The following MPND variants were observed in gnomAD, a reference collection of about 807,000 sequenced individuals.
MPND encodes MPN domain containing.
Under a neutral mutation model 59.2 loss-of-function variants are expected in MPND, and 56 were observed. The ratio of observed to expected loss-of-function variants is 0.95; its 90% confidence interval spans 0.76 to 1.18. MPND has a LOEUF of 1.18. MPND is among the 50% of genes most tolerant of loss of function. MPND has a pLI of 0.00. For synonymous variants in MPND, 323 were observed against 291.9 expected (o/e 1.11, Z -1.09); for missense variants, 671 against 676.0 (o/e 0.99, Z 0.08).
intron 3 of MPND, among the ~76,000 whole-genome samples, chr19:4,352,689 T>G (rs1350063537): frequency 6.7e-6 from 1 of 148,372 alleles, no homozygotes; most frequent in Non-Finnish European, 1.5e-5. Context: ...GTCTCAAAAA[T>G]AAATAAATAA....
rs778899979 is a variant in MPND at position 4,353,630 on chromosome 19, T to C, written c.665-415T>C. ...AGGGCAGAGTACAGTGGTGCAATCA[T>C]GGCTAACTGCAGCCTCAACCTCCTG... On this transcript the variant is annotated intron_variant, in intron 4 of 12. Transcript: ENST00000599840. Among the ~76,000 whole-genome samples, 46 of 152,148 alleles carry C rather than the reference T, an allele frequency of 3.0e-4. 1 individual carries two copies. The highest frequency in any genetic ancestry group is 1.5e-4 in the Non-Finnish European group (10 of 68,028).
chr19:4,355,511 G>A (rs10411614), intron 8 of MPND, among the ~76,000 whole-genome samples: 89,801 of 151,674 alleles, frequency 0.59, 26,825 homozygotes, highest in East Asian at 0.75. Flanking sequence ...AATTTTTTGT[G>A]TTTTTAGTAG....
intron 8 of MPND, among the ~76,000 whole-genome samples, chr19:4,355,476 C>T (rs1366171306): frequency 6.6e-6 from 1 of 152,138 alleles, no homozygotes; most frequent in Non-Finnish European, 1.5e-5. Context: ...GCTGGGACTA[C>T]AGGTGCCTGC....
chr19:4,345,333 C>T (rs1486409708), intron 2 of MPND, among the ~76,000 whole-genome samples: 1 of 152,194 alleles, frequency 6.6e-6, no homozygotes, highest in Non-Finnish European at 1.5e-5. Flanking sequence ...AGGCGTGAAC[C>T]ACTGCACCCA....
chr19:4,349,446 T>A (rs1972264760), intron 3 of MPND, among the ~76,000 whole-genome samples: 1 of 151,618 alleles, frequency 6.6e-6, no homozygotes, highest in Non-Finnish European at 1.5e-5. Flanking sequence ...GTGGGAGGGA[T>A]GGAGCGTCAG....
intron 4 of MPND, 129 bp from the exon 5 acceptor site, chr19:4,353,916 C>T (rs981739306): frequency 2.7e-6 from 2 of 736,520 alleles, no homozygotes; most frequent in African/African-American, 3.5e-5. Flanking sequence ...GCAGCCTCAA[C>T]CTCCCATGCT....
chr19:4,359,301 G>A, intron 12 of MPND, 46 bp downstream of exon 12: 2 of 1,422,564 alleles, frequency 1.4e-6, no homozygotes, highest in Non-Finnish European at 2.0e-6. Context: ...CCCCAGGAGA[G>A]GCCCCCTGGG....
rs1046475010 is a variant in MPND at position 4,344,096 on chromosome 19, G to A, written c.294+102G>A. On this transcript the variant is annotated intron_variant, in intron 2 of 12. Transcript: ENST00000599840. ...AGGACAAGCTTCAGTGTAGGGAGGG[G>A]ACACTGAGGCCCGGAGCTCCCTTGC... is the stretch of plus-strand genomic sequence containing the variant. The A allele has an allele frequency of 4.6e-6, 4 of 862,384 alleles. No homozygotes were observed. The African/African-American group carries it at 5.3e-5, about 11-fold the overall frequency. 53.4% of individuals were successfully genotyped at this position (862,384 alleles called of 1,614,324 possible). A position where few individuals can be genotyped will look rare whatever the true frequency, so the allele number is the denominator to read the frequency against.
chr19:4,359,929 G>A lies in MPND; in HGVS notation c.1433G>A (p.Ser478Asn), dbSNP rs1349729589. 1 of 1,570,554 alleles carries A rather than the reference G, an allele frequency of 6.4e-7. No individual in the cohort carries two copies. Among genetic ancestry groups the A allele is most frequent in the Non-Finnish European group, 8.6e-7 (1 of 1,157,548 alleles). The part of the protein sequence containing the change: ...YLDKLKISLA[S>N]RTPKDQSLCH... ...CCCTCGTTTCAGATCTCCTTGGCCA[G>A]CAGGACGCCCAAGGACCAGAGCCTG... Residue 478 changes from serine (S) to asparagine (N), a missense_variant, in exon 13 of 13, where the codon AGC becomes AAC. Ser to Asn is a conservative substitution (Grantham distance 46). Coordinates refer to ENST00000599840, the MANE Select transcript of MPND (RefSeq NM_001300862.2).
chr19:4,345,403 T>C (rs543323650), intron 2 of MPND, among the ~76,000 whole-genome samples: 1 of 152,314 alleles, frequency 6.6e-6, no homozygotes, highest in East Asian at 1.9e-4. Flanking sequence ...GGTAGCACAT[T>C]ATTCCCCTTC....
At chr19:4,357,869 G>A (rs1972478278) in intron 10 of MPND, 1 of 608,162 alleles carries the variant, frequency 1.6e-6, no homozygotes, top group Admixed American at 2.9e-5. Flanking sequence ...TCAGCCCTGG[G>A]AAGTCATTTC....
intron 12 of MPND, 67 bp from the exon 13 acceptor site, chr19:4,359,849 G>C: frequency 7.6e-7 from 1 of 1,311,284 alleles, no homozygotes. Flanking sequence ...CTTGCACGGT[G>C]GACTGTGAGG....
chr19:4,345,826 G>T lies in MPND; in HGVS notation c.376G>T (p.Ala126Ser). The change falls in exon 3 of 13, where the codon GCC becomes TCC. Residue 126 changes from alanine to serine, a missense_variant. Physicochemically the swap from Ala to Ser is moderately conservative, Grantham distance 99. Transcript: ENST00000599840. ...ETGQTFNSPS[A>S]WATHCKKLVN... ...CGGGCAGACCTTCAACTCACCCAGC[G>T]CCTGGGCCACCCACTGCAAGAAGCT... 6.2e-7 allele frequency: 1 copy of T among 1,614,012 alleles called. No homozygotes were observed. The highest frequency in any genetic ancestry group is 1.1e-5 in the South Asian group (1 of 91,086).
intron 5 of MPND, 50 bp from the exon 6 acceptor site, chr19:4,354,274 G>A (rs886190305): frequency 2.6e-6 from 4 of 1,527,030 alleles, no homozygotes; most frequent in Non-Finnish European, 2.7e-6. Context: ...TGGGGGCGAG[G>A]GAAGAGCCTG....
chr19:4,355,223 A>T (rs1972411437), intron 8 of MPND, 50 bp downstream of exon 8: 3 of 1,592,924 alleles, frequency 1.9e-6, no homozygotes, highest in South Asian at 2.2e-5. Context: ...GGGAAGGGAC[A>T]TAGCTGTCCT....
In MPND at chr19:4,357,663, G is replaced by A. The variant is rs560936739; in HGVS notation, c.1236+78G>A. On this transcript the variant is annotated intron_variant, in intron 10 of 12. Transcript: ENST00000599840. ...GGGTCACGACTAGGCAGGGGCCCCT[G>A]GTTCCAGGCTCCACTGGAGAGTTGG... The A allele has an allele frequency of 3.8e-5, 53 of 1,407,694 alleles. No homozygotes were observed. The South Asian group carries it at 5.8e-4, about 15-fold the overall frequency. 87.2% of individuals were successfully genotyped at this position (1,407,694 alleles called of 1,614,324 possible).
chr19:4,344,374 A>C (rs1972139428), intron 2 of MPND, among the ~76,000 whole-genome samples: 1 of 151,010 alleles, frequency 6.6e-6, no homozygotes, highest in Admixed American at 6.6e-5. Context: ...GGGAGGGGAA[A>C]CTGAGGCCCA....
rs1458512163 is a variant in MPND, at chr19:4,354,933, T to C, written c.847-16T>C. The stretch of plus-strand genomic sequence containing the variant: ...CACAGCCTGAGCCAGTCTTTTGCTG[T>C]TCCTCCCTTCCCCAGGACTTCCACA... On this transcript the variant is annotated splice_polypyrimidine_tract_variant and intron_variant, in intron 6 of 12. Transcript: ENST00000599840. The C allele has an allele frequency of 3.8e-6, 6 of 1,573,882 alleles. No homozygotes were observed. The East Asian group carries it at 9.0e-5, about 24-fold the overall frequency.
intron 5 of MPND, 44 bp downstream of exon 5, chr19:4,354,173 A>C: frequency 6.3e-7 from 1 of 1,585,084 alleles, no homozygotes; most frequent in Non-Finnish European, 8.6e-7. Context: ...GCTCACCTGG[A>C]TCTCTTGCTG....
Sources: allele counts gnomAD v4.1 joint callset (sites outside exome capture counted in the v4.1 genomes callset), GRCh38; gene constraint gnomAD v4.1.1; transcripts MANE v1.5; gene names NCBI Gene and HGNC (gene_info 2026-07-23, HGNC 2026-07-21).